Variants in SIPA1L1 observed in about 807,000 individuals in gnomAD.
The protein encoded by SIPA1L1 is signal induced proliferation associated 1 like 1, also known as signal-induced proliferation-associated 1-like protein 1.
Under a neutral mutation model 162.7 loss-of-function variants are expected in SIPA1L1, and 26 were observed. The observed-to-expected ratio is 0.16, with a 90% CI of 0.12 to 0.22. The LOEUF (loss-of-function observed/expected upper bound fraction) is 0.22. SIPA1L1 is among the 10% of genes least tolerant of loss of function. The pLI is 1.00. For synonymous variants in SIPA1L1, 829 were observed against 837.4 expected, an observed-to-expected ratio of 0.99 and a Z score of 0.17; for missense variants, 1,874 against 2,241.0, an observed-to-expected ratio of 0.84 and a Z score of 3.31.
In SIPA1L1 at chr14:71,377,972, A is replaced by G. The variant is rs2039564143; in HGVS notation, c.-465+56791A>G. ...CGAGGGAGACCGTGGAAAGCAGGAG[A>G]TGGAGACGAGGGAGAGGGGGAGACA... On this transcript the variant is annotated intron_variant, in intron 2 of 23. Transcript: ENST00000381232. This position sits in a 1 kb window ranked among gnomAD's most constrained non-coding sequence, Gnocchi z 4.8. 6.6e-6 allele frequency among the ~76,000 whole-genome samples: 1 copy of G among 152,162 alleles called. No homozygotes were observed. Among genetic ancestry groups the G allele is most frequent in the Non-Finnish European group, 1.5e-5 (1 of 68,018 alleles).
intron 5 of SIPA1L1, among the ~76,000 whole-genome samples, chr14:71,616,082 G>A (rs564124414): frequency 2.1e-4 from 32 of 152,288 alleles, no homozygotes; most frequent in African/African-American, 4.3e-4. Context: ...TCTGAGAGTC[G>A]TCAACATTGA....
At chr14:71,514,482 G>T (rs1216506386) in intron 3 of SIPA1L1, among the ~76,000 whole-genome samples, 1 of 152,194 alleles carries the variant, frequency 6.6e-6, no homozygotes, top group East Asian at 1.9e-4. Context: ...GGAAGCTGCT[G>T]ATCACCAGTT....
chr14:71,399,054 G>A (rs1304753995), intron 2 of SIPA1L1, among the ~76,000 whole-genome samples: 26 of 152,152 alleles, frequency 1.7e-4, no homozygotes, highest in Admixed American at 1.7e-3. Context: ...TTGAGGAGTG[G>A]CAACTAAGTT....
intron 4 of SIPA1L1, among the ~76,000 whole-genome samples, chr14:71,582,567 T>G (rs1333320502): frequency 6.6e-6 from 1 of 152,216 alleles, no homozygotes; most frequent in Non-Finnish European, 1.5e-5. Context: ...TGATCCTTCC[T>G]GTGTCCAAAC....
chr14:71,460,574 G>T (rs2046523644), intron 2 of SIPA1L1, among the ~76,000 whole-genome samples: 1 of 152,136 alleles, frequency 6.6e-6, no homozygotes, highest in African/African-American at 2.4e-5. Flanking sequence ...TGTCCAGGTG[G>T]CAATCTCAAC....
chr14:71,505,969 C>T (rs59749781), intron 2 of SIPA1L1, among the ~76,000 whole-genome samples: 2 of 148,074 alleles, frequency 1.4e-5, no homozygotes, highest in South Asian at 2.2e-4. Context: ...TTCCCCCCCC[C>T]CAAAAAAAAA....
intron 2 of SIPA1L1, among the ~76,000 whole-genome samples, chr14:71,373,425 C>T (rs992251451): frequency 6.6e-6 from 1 of 151,784 alleles, no homozygotes; most frequent in African/African-American, 2.4e-5. Context: ...GAGTTTGACA[C>T]TAGCCTGGCC....
chr14:71,412,888 G>T (rs952149625), intron 2 of SIPA1L1, among the ~76,000 whole-genome samples: 1 of 152,166 alleles, frequency 6.6e-6, no homozygotes, highest in Non-Finnish European at 1.5e-5. Flanking sequence ...ATGTGTGTGG[G>T]TATTCTTTTA....
At chr14:71,674,507 C>T (rs1229136275) in intron 12 of SIPA1L1, among the ~76,000 whole-genome samples, 1 of 149,880 alleles carries the variant, frequency 6.7e-6, no homozygotes, top group Non-Finnish European at 1.5e-5. Flanking sequence ...GCATTTAATT[C>T]TCATAACAAC....
chr14:71,550,756 A>T (rs1350717775), intron 4 of SIPA1L1, among the ~76,000 whole-genome samples: 3 of 152,070 alleles, frequency 2.0e-5, no homozygotes, highest in Non-Finnish European at 1.5e-5. Context: ...TGTCCAATAG[A>T]CATCACTAAT....
intron 5 of SIPA1L1, among the ~76,000 whole-genome samples, chr14:71,596,103 C>T (rs944892901): frequency 2.0e-5 from 3 of 152,078 alleles, no homozygotes; most frequent in African/African-American, 7.2e-5. Context: ...TAACTTAGGT[C>T]TGTGAAAGAT....
At chr14:71,554,636 A>G (rs893798791) in intron 4 of SIPA1L1, among the ~76,000 whole-genome samples, 22 of 152,244 alleles carry the variant, frequency 1.4e-4, no homozygotes, top group Admixed American at 1.3e-3. Flanking sequence ...AACAGTTCAC[A>G]AATTACAACA....
At chr14:71,407,135 C>T (rs1023918317) in intron 2 of SIPA1L1, among the ~76,000 whole-genome samples, 5 of 152,050 alleles carry the variant, frequency 3.3e-5, no homozygotes, top group Admixed American at 6.6e-5. Context: ...CCCAGCTACT[C>T]GGGTGGCTGA....
intron 2 of SIPA1L1, among the ~76,000 whole-genome samples, chr14:71,393,130 A>T (rs2040897512): frequency 6.6e-6 from 1 of 152,206 alleles, no homozygotes; most frequent in African/African-American, 2.4e-5. Context: ...TAAATATTCC[A>T]ATAGGATATC....
In SIPA1L1 at chr14:71,658,419, C is replaced by T; in HGVS notation, c.2080C>T (p.Pro694Ser). 1.3e-6 allele frequency: 2 copies of T among 1,595,108 alleles called. No homozygotes were observed. The highest frequency in any genetic ancestry group is 2.2e-5 in the South Asian group (2 of 90,650). ...TGTTTCTACCATGCTGCCATACACA[C>T]CCAACAACAAACAACAGGTAAGAGA... ...FHVSTMLPYTPNNKQQLLRKR... is the reference protein window; with the variant it reads ...FHVSTMLPYTSNNKQQLLRKR... Residue 694 changes from proline to serine, a missense_variant, in exon 9 of 24, where the codon CCC (proline) becomes TCC (serine). Pro to Ser is a moderately conservative substitution (Grantham distance 74, BLOSUM62 -1). Coordinates refer to ENST00000381232, the MANE Select transcript of SIPA1L1 (RefSeq NM_001386936.1).
At chr14:71,376,896 T>G (rs1034407412) in intron 2 of SIPA1L1, among the ~76,000 whole-genome samples, 4 of 152,196 alleles carry the variant, frequency 2.6e-5, no homozygotes, top group African/African-American at 7.2e-5. Flanking sequence ...GAAATTTTTC[T>G]TAGTACAGAA....
intron 4 of SIPA1L1, among the ~76,000 whole-genome samples, chr14:71,582,456 CA>C (rs2034067718): frequency 6.6e-6 from 1 of 152,158 alleles, no homozygotes; most frequent in African/African-American, 2.4e-5. Context: ...TTCAGCTATA[CA>C]AACTATATTC....
chr14:71,552,078 A>G (rs1036388520), intron 4 of SIPA1L1, among the ~76,000 whole-genome samples: 2 of 152,274 alleles, frequency 1.3e-5, no homozygotes, highest in South Asian at 4.1e-4. Context: ...TAAGCCCCTC[A>G]AGAGTGATGG....
At chr14:71,329,829 A>G (rs2034304056) in intron 2 of SIPA1L1, among the ~76,000 whole-genome samples, 1 of 151,984 alleles carries the variant, frequency 6.6e-6, no homozygotes, top group Non-Finnish European at 1.5e-5. Context: ...GGAGTTCTTT[A>G]TATATTCTGG....
Sources: gnomAD v4.1 joint callset for allele counts (sites outside exome capture counted in the v4.1 genomes callset) on GRCh38, gnomAD v4.1.1 for gene constraint, Gnocchi (gnomAD v3.1) non-coding constraint, MANE v1.5 for transcripts, NCBI Gene and HGNC (gene_info 2026-07-23, HGNC 2026-07-21) for gene names.